Variants in NABP1 observed in about 807,000 individuals in gnomAD.
NABP1 encodes SOSS complex subunit B2.
A neutral mutation model predicts 25.0 loss-of-function variants in NABP1; 18 were observed. That is an observed-to-expected ratio of 0.72 (90% CI 0.50 to 1.07). The LOEUF (loss-of-function observed/expected upper bound fraction) is 1.07, where lower values mean the gene tolerates loss of function less well. Ranked by LOEUF, NABP1 falls within the 50% of genes least tolerant of loss-of-function variation. The pLI, the probability that NABP1 is intolerant of heterozygous loss-of-function variation, is 0.00. For missense variants in NABP1, 270 were observed against 255.6 expected (o/e 1.06, Z -0.39); for synonymous variants, 71 against 85.0 (o/e 0.84, Z 0.91).
chr2:191,678,882 G>T, intron 1 of NABP1, 108 bp from the exon 2 acceptor site: 1 of 1,476,396 alleles, frequency 6.8e-7, no homozygotes, highest in Non-Finnish European at 9.2e-7. Context: ...CCCTGGGCTT[G>T]GTCACTTCCC....
In NABP1 at chr2:191,685,907, GGTTT is replaced by G. The variant is rs758763961; in HGVS notation, c.*144_*147del. On this transcript the variant is annotated 3_prime_UTR_variant, in exon 6 of 6. Coordinates refer to ENST00000425611, the MANE Select transcript of NABP1 (RefSeq NM_001031716.5). ...ATATTCTTGGTTTGTTAAGAAGAAT[GGTTT>G]GTTTTTATAGCAAAACTGTTAAGCT... is the stretch of plus-strand genomic sequence containing the variant. The G allele has an allele frequency of 3.7e-6, 3 of 805,280 alleles. No homozygotes were observed. Among genetic ancestry groups the G allele is most frequent in the Non-Finnish European group, 5.6e-6 (3 of 532,096 alleles). 49.9% of individuals were successfully genotyped at this position (805,280 alleles called of 1,614,324 possible).
Position 191,683,895 on chromosome 2 carries a change from G to T in NABP1, c.378+91G>T, listed in dbSNP as rs1687748301. On this transcript the variant is annotated intron_variant, in intron 4 of 5. Coordinates refer to ENST00000425611, the MANE Select transcript of NABP1 (RefSeq NM_001031716.5). This position sits in a 1 kb window ranked among gnomAD's most constrained non-coding sequence, Gnocchi z 4.1. ...TAGCCCTGTTGATACTTAGTATAAAGAAGATAATTTTTAAAAGGATACTTA... is the reference window on the plus strand; with the variant it reads ...TAGCCCTGTTGATACTTAGTATAAATAAGATAATTTTTAAAAGGATACTTA... 1.0e-6 allele frequency: 1 copy of T among 993,026 alleles called. No homozygotes were observed. Among genetic ancestry groups the T allele is most frequent in the Non-Finnish European group, 1.5e-6 (1 of 661,440 alleles). The allele number at this position is 993,026 out of a possible 1,614,324, so 61.5% of individuals were successfully genotyped here.
chr2:191,680,917 A>G (rs34957901), intron 2 of NABP1, among the ~76,000 whole-genome samples: 16,086 of 152,200 alleles, frequency 0.11, 918 homozygotes, highest in East Asian at 0.14. Context: ...GGTTGAATCT[A>G]AGAAAAGTAG....
Position 191,685,999 on chromosome 2 carries a change from A to G in NABP1, c.*231A>G, listed in dbSNP as rs1687810320. 1 of 422,574 alleles carries G rather than the reference A, an allele frequency of 2.4e-6. No homozygotes were observed. Among genetic ancestry groups the G allele is most frequent in the Non-Finnish European group, 4.2e-6 (1 of 237,860 alleles). 26.2% of individuals were successfully genotyped at this position (422,574 alleles called of 1,614,324 possible). A position where few individuals can be genotyped will look rare whatever the true frequency, so the allele number is the denominator to read the frequency against. ...GTAGGGGCATTTATTTTTAGAGTAA[A>G]AAGATTATTGGATAGCCTTTAAAAA... On this transcript the variant is annotated 3_prime_UTR_variant, in exon 6 of 6. Transcript: ENST00000425611.
In NABP1 at chr2:191,678,446, C is replaced by T. The variant is rs1319406188; in HGVS notation, c.-169C>T. 4 of 226,232 alleles carry T rather than the reference C, an allele frequency of 1.8e-5. No homozygotes were observed. Among genetic ancestry groups the T allele is most frequent in the Non-Finnish European group, 3.2e-5 (4 of 124,858 alleles). 14.0% of individuals were successfully genotyped at this position (226,232 alleles called of 1,614,324 possible). Reference sequence around the variant, plus strand: ...TTTTTTTCTTTTTTTAGGCTCAGTGCTGTCCGGGCTGGTTTGCCCGGTCCC... The same window carrying T: ...TTTTTTTCTTTTTTTAGGCTCAGTGTTGTCCGGGCTGGTTTGCCCGGTCCC... On this transcript the variant is annotated 5_prime_UTR_variant, in exon 1 of 6. Transcript: ENST00000425611.
Position 191,684,379 on chromosome 2 carries a change from T to C in NABP1, c.445+83T>C, listed in dbSNP as rs565156650. ...AAAGATTCACGTGAAAAGCAACGTC[T>C]TTAGGCATAAATTAGTGATAAAGGT... On this transcript the variant is annotated intron_variant, in intron 5 of 5. Coordinates refer to ENST00000425611, the MANE Select transcript of NABP1 (RefSeq NM_001031716.5). 8 of 940,606 alleles carry C rather than the reference T, an allele frequency of 8.5e-6. No individual in the cohort carries two copies. In the African/African-American group the frequency reaches 1.4e-4, roughly 16 times the overall value. 58.3% of individuals were successfully genotyped at this position (940,606 alleles called of 1,614,324 possible).
At position 191,683,393 on chromosome 2, in the gene NABP1, G is replaced by A; in HGVS notation, c.303-336G>A. On this transcript the variant is annotated intron_variant, in intron 3 of 5. Transcript: ENST00000425611. This position sits in a 1 kb window ranked among gnomAD's most constrained non-coding sequence, Gnocchi z 4.1. ...GAAACCACCCTGGAACCCTAAACAT[G>A]GTTCACTCTCATGTTATTTTTCCTT... 3.4e-6 allele frequency: 1 copy of A among 293,878 alleles called. No homozygotes were observed. The highest frequency in any genetic ancestry group is 3.0e-5 in the South Asian group (1 of 33,140). 18.2% of individuals were successfully genotyped at this position (293,878 alleles called of 1,614,324 possible).
Position 191,685,665 on chromosome 2 carries a change from G to C in NABP1, c.512G>C (p.Gly171Ala), listed in dbSNP as rs541582633. ...HQFSHAGRSN[G>A]RGLINPQLQG... is the part of the protein sequence containing the mutation. ...TTTTCACATGCTGGCAGAAGCAATG[G>C]CCGGGGACTTATAAATCCACAACTA... Residue 171 changes from glycine (G) to alanine (A), a missense_variant, in exon 6 of 6, where the codon GGC (glycine) becomes GCC (alanine). By Grantham distance (60) the Gly-to-Ala change is moderately conservative (BLOSUM62 0). Transcript: ENST00000425611. 21 of 1,613,998 alleles carry C rather than the reference G, an allele frequency of 1.3e-5. No individual in the cohort carries two copies. The South Asian group carries it at 2.3e-4, about 18-fold the overall frequency.
rs544094292 is a variant in NABP1 at position 191,686,634 on chromosome 2, T to C, written c.*866T>C. 20 of 152,344 alleles carry C rather than the reference T, an allele frequency of 1.3e-4. No homozygotes were observed. The highest frequency in any genetic ancestry group is 4.8e-4 in the African/African-American group (20 of 41,578). 9.4% of individuals were successfully genotyped at this position (152,344 alleles called of 1,614,324 possible). A position where few individuals can be genotyped will look rare whatever the true frequency, so the allele number is the denominator to read the frequency against. ...TGAATTCATATAGTAACATGCAGTCTGAAGTCCTAGTTACTTAATAGGTAC... is the reference window on the plus strand; with the variant it reads ...TGAATTCATATAGTAACATGCAGTCCGAAGTCCTAGTTACTTAATAGGTAC... On this transcript the variant is annotated 3_prime_UTR_variant, in exon 6 of 6. Transcript: ENST00000425611.
Position 191,683,945 on chromosome 2 carries a change from A to T in NABP1, c.378+141A>T, listed in dbSNP as rs747196493. ...AATTTTTATTGTATGTTTTGTGAGG[A>T]TATGTATCTGAGGTGTCATCTACTA... On this transcript the variant is annotated intron_variant, in intron 4 of 5. Coordinates refer to ENST00000425611, the MANE Select transcript of NABP1 (RefSeq NM_001031716.5). This position sits in a 1 kb window ranked among gnomAD's most constrained non-coding sequence, Gnocchi z 4.1. 1.7e-4 allele frequency: 126 copies of T among 747,512 alleles called. No individual in the cohort carries two copies. The highest frequency in any genetic ancestry group is 3.5e-4 in the Middle Eastern group (1 of 2,834). The allele number at this position is 747,512 out of a possible 1,614,324, so 46.3% of individuals were successfully genotyped here.
At chr2:191,682,452 C>G (rs962471265) in intron 3 of NABP1, 1 of 467,724 alleles carries the variant, frequency 2.1e-6, no homozygotes, top group African/African-American at 2.0e-5. Context: ...TTAAAAAGGA[C>G]TTGCAGCAAC....
chr2:191,680,107 C>G (rs534619634), intron 2 of NABP1, among the ~76,000 whole-genome samples: 40 of 152,066 alleles, frequency 2.6e-4, no homozygotes, highest in African/African-American at 9.4e-4. Context: ...TTAAAAAATA[C>G]TAGAACTTTT....
intron 1 of NABP1, 106 bp downstream of exon 1, chr2:191,678,811 T>TC (rs1260487073): frequency 3.8e-6 from 2 of 519,926 alleles, no homozygotes; most frequent in African/African-American, 4.2e-5. Context: ...CTCCCTCCCC[T>TC]CCCCCACCCA....
chr2:191,686,037 T>G lies in NABP1; in HGVS notation c.*269T>G. The G allele has an allele frequency of 3.1e-6, 1 of 322,886 alleles. No homozygotes were observed. The highest frequency in any genetic ancestry group is 7.9e-5 in the East Asian group (1 of 12,586). The allele number at this position is 322,886 out of a possible 1,614,324, so 20.0% of individuals were successfully genotyped here. On this transcript the variant is annotated 3_prime_UTR_variant, in exon 6 of 6. Transcript: ENST00000425611. ...TAGCCTTTAAAAAACCTGCACCCATTTCATGGGTGAGTTACTTAAGACATC... is the reference window on the plus strand; with the variant it reads ...TAGCCTTTAAAAAACCTGCACCCATGTCATGGGTGAGTTACTTAAGACATC...
At position 191,683,531 on chromosome 2, in the gene NABP1, A is replaced by G; in HGVS notation, c.303-198A>G. ...TTAAATACAAAATAGAATGTTATAT[A>G]TCTTGTAGACAGTCAAATATTTGAT... On this transcript the variant is annotated intron_variant, in intron 3 of 5. Transcript: ENST00000425611. This position sits in a 1 kb window ranked among gnomAD's most constrained non-coding sequence, Gnocchi z 4.1. 1.9e-6 allele frequency: 1 copy of G among 524,178 alleles called. No homozygotes were observed. The highest frequency in any genetic ancestry group is 3.5e-5 in the East Asian group (1 of 28,524). The allele number at this position is 524,178 out of a possible 1,614,324, so 32.5% of individuals were successfully genotyped here.
intron 2 of NABP1, among the ~76,000 whole-genome samples, chr2:191,680,402 G>C (rs1687655495): frequency 1.3e-5 from 2 of 152,164 alleles, no homozygotes; most frequent in African/African-American, 4.8e-5. Context: ...ATCAAAGCAG[G>C]AAGTGAGAGT....
At chr2:191,684,458 A>G (rs1283243340) in intron 5 of NABP1, among the ~76,000 whole-genome samples, 162 bp downstream of exon 5, 2 of 152,226 alleles carry the variant, frequency 1.3e-5, no homozygotes, top group Non-Finnish European at 2.9e-5. Context: ...GAAAGTTGAT[A>G]AACTTAAGCC....
chr2:191,683,693 C>A lies in NABP1; in HGVS notation c.303-36C>A. ...TAAAGAAGGGTTGAGGACTTTATTT[C>A]AGAAGTCATTTAATTTTTTCTTTAT... On this transcript the variant is annotated intron_variant, in intron 3 of 5. Coordinates refer to ENST00000425611, the MANE Select transcript of NABP1 (RefSeq NM_001031716.5). This position sits in a 1 kb window ranked among gnomAD's most constrained non-coding sequence, Gnocchi z 4.1. 1 of 1,493,746 alleles carries A rather than the reference C, an allele frequency of 6.7e-7. No homozygotes were observed. The highest frequency in any genetic ancestry group is 9.3e-7 in the Non-Finnish European group (1 of 1,075,700). 92.5% of individuals were successfully genotyped at this position (1,493,746 alleles called of 1,614,324 possible).
intron 2 of NABP1, among the ~76,000 whole-genome samples, chr2:191,681,658 A>G (rs1016846726): frequency 6.6e-6 from 1 of 152,228 alleles, no homozygotes; most frequent in African/African-American, 2.4e-5. Flanking sequence ...AATTGACTAA[A>G]GATGTGATCA....
Sources: allele counts gnomAD v4.1 joint callset (sites outside exome capture counted in the v4.1 genomes callset), GRCh38; gene constraint gnomAD v4.1.1; non-coding constraint Gnocchi (gnomAD v3.1); transcripts MANE v1.5; gene names NCBI Gene and HGNC (gene_info 2026-07-23, HGNC 2026-07-21).